Variants in HSDL1 observed in about 807,000 individuals in gnomAD.
The protein encoded by HSDL1 is hydroxysteroid dehydrogenase like 1.
Under a neutral mutation model 31.5 loss-of-function variants are expected in HSDL1, and 29 were observed. The observed-to-expected ratio is 0.92, with a 90% CI of 0.69 to 1.26. The LOEUF (loss-of-function observed/expected upper bound fraction) is 1.26, where lower values mean the gene tolerates loss of function less well. HSDL1 is among the 50% of genes most tolerant of loss of function. The probability of loss-of-function intolerance (pLI) is 0.00; values close to 1 mark genes in which losing one functional copy is unlikely to be tolerated. For synonymous variants in HSDL1, 222 were observed against 155.2 expected (o/e 1.43, Z -3.20); for missense variants, 503 against 416.6 (o/e 1.21, Z -1.81).
rs751067826 is a variant in HSDL1 at position 84,129,693 on chromosome 16, T to C, written c.749A>G (p.Tyr250Cys). The change falls in exon 5 of 6, where the codon TAT becomes TGT. Residue 250 changes from tyrosine to cysteine, a missense_variant. Physicochemically the swap from Tyr to Cys is radical, Grantham distance 194. Transcript: ENST00000219439. ...GIFVQSLIPF[Y>C]VATSMTAPSN... ...GGGTGCTGTCATGCTGGTGGCTACA[T>C]AGAAAGGGATTAGACTCTGTACAAA... The C allele has an allele frequency of 2.0e-5, 32 of 1,614,056 alleles. No individual in the cohort carries two copies. The African/African-American group carries it at 2.4e-4, about 12-fold the overall frequency.
At chr16:84,135,973 G>C (rs183256683) in intron 1 of HSDL1, among the ~76,000 whole-genome samples, 283 of 152,362 alleles carry the variant, frequency 1.9e-3, no homozygotes, top group African/African-American at 6.3e-3. Flanking sequence ...TCGGGGAAGA[G>C]AGCAGCCACA....
chr16:84,126,064 C>T (rs962122507), intron 5 of HSDL1, among the ~76,000 whole-genome samples: 1 of 148,720 alleles, frequency 6.7e-6, no homozygotes, highest in Non-Finnish European at 1.5e-5. Context: ...GATCGCGGCA[C>T]TGCACTCCAG....
chr16:84,128,012 C>G (rs1412833729), intron 5 of HSDL1, among the ~76,000 whole-genome samples: 2 of 150,410 alleles, frequency 1.3e-5, no homozygotes, highest in East Asian at 4.0e-4. Context: ...AGCCACCACG[C>G]CCTGCCAGCT....
At chr16:84,136,147 G>T (rs1016318661) in intron 1 of HSDL1, among the ~76,000 whole-genome samples, 3 of 152,214 alleles carry the variant, frequency 2.0e-5, no homozygotes, top group Admixed American at 2.0e-4. Context: ...TCCTGGCAGG[G>T]ATTCTGGCTC....
chr16:84,129,672 G>C lies in HSDL1; in HGVS notation c.770C>G (p.Ala257Gly). ...GCACCTGTGCAGAAAGTTGCTGGGTGCTGTCATGCTGGTGGCTACATAGAA... is the reference window on the plus strand; with the variant it reads ...GCACCTGTGCAGAAAGTTGCTGGGTCCTGTCATGCTGGTGGCTACATAGAA... ...IPFYVATSMTAPSNFLHRCSW... is the reference protein window; with the variant it reads ...IPFYVATSMTGPSNFLHRCSW... The change falls in exon 5 of 6, where the codon GCA (alanine) becomes GGA (glycine). Residue 257 changes from alanine (A) to glycine (G), a missense_variant. Ala to Gly is a moderately conservative substitution (Grantham distance 60). Transcript: ENST00000219439. 6.2e-7 allele frequency: 1 copy of C among 1,614,176 alleles called. No individual in the cohort carries two copies. Among genetic ancestry groups the C allele is most frequent in the South Asian group, 1.1e-5 (1 of 91,082 alleles).
In HSDL1 at chr16:84,130,181, G is replaced by T; in HGVS notation, c.471C>A (p.Pro157=). The change falls in exon 4 of 6, where the codon CCC becomes CCA. Residue 157 remains proline (P), a synonymous_variant. Coordinates refer to ENST00000219439, the MANE Select transcript of HSDL1 (RefSeq NM_031463.5). ...ACAGCTGAGTGAAATACTGCGGGTAGGGATAAAACACACCCACGTTATTTA... is the reference window on the plus strand; with the variant it reads ...ACAGCTGAGTGAAATACTGCGGGTATGGATAAAACACACCCACGTTATTTA... ...ILVNNVGVFY[P]YPQYFTQLSE... is the part of the protein sequence containing the mutation. 1 of 1,614,204 alleles carries T rather than the reference G, an allele frequency of 6.2e-7. No individual in the cohort carries two copies. The highest frequency in any genetic ancestry group is 8.5e-7 in the Non-Finnish European group (1 of 1,180,032).
intron 1 of HSDL1, among the ~76,000 whole-genome samples, chr16:84,137,777 C>G (rs1211958022): frequency 1.3e-5 from 2 of 152,220 alleles, no homozygotes; most frequent in East Asian, 1.9e-4. Context: ...CCAGAGCCAC[C>G]AAATTTCAAA....
intron 1 of HSDL1, 59 bp downstream of exon 1, chr16:84,145,018 CGAG>C (rs2151196110): frequency 6.6e-6 from 1 of 151,220 alleles, no homozygotes; most frequent in Non-Finnish European, 1.5e-5. Context: ...CTGAGGGGAC[CGAG>C]GAGGGGTCTG....
chr16:84,143,496 G>A (rs2086790736), intron 1 of HSDL1, among the ~76,000 whole-genome samples: 1 of 152,154 alleles, frequency 6.6e-6, no homozygotes, highest in South Asian at 2.1e-4. Context: ...TTTTGTAGGT[G>A]ATTAAATGTT....
intron 1 of HSDL1, among the ~76,000 whole-genome samples, chr16:84,142,830 A>T (rs1256370732): frequency 1.3e-5 from 2 of 152,182 alleles, no homozygotes; most frequent in African/African-American, 4.8e-5. Context: ...TCAAAGCTCA[A>T]ATTTCACTCT....
At chr16:84,132,803 G>A (rs995989609) in intron 2 of HSDL1, among the ~76,000 whole-genome samples, 2 of 151,956 alleles carry the variant, frequency 1.3e-5, no homozygotes, top group African/African-American at 2.4e-5. Context: ...TGCATCCTGC[G>A]AAAGACAAAA....
chr16:84,144,539 C>G (rs2086818107), intron 1 of HSDL1: 1 of 152,354 alleles, frequency 6.6e-6, no homozygotes, highest in Non-Finnish European at 1.5e-5. Context: ...CTCGGAAATC[C>G]TGGCTGAACC....
At chr16:84,135,301 T>C (rs1257892959) in intron 2 of HSDL1, among the ~76,000 whole-genome samples, 1 of 151,632 alleles carries the variant, frequency 6.6e-6, no homozygotes, top group African/African-American at 2.4e-5. Flanking sequence ...CAATGGGTTG[T>C]AGCCAAAGCA....
chr16:84,125,739 G>T (rs1382499936), intron 5 of HSDL1, among the ~76,000 whole-genome samples: 1 of 152,200 alleles, frequency 6.6e-6, no homozygotes. Context: ...TAATGAGGCT[G>T]GACTGTCCTG....
intron 2 of HSDL1, among the ~76,000 whole-genome samples, chr16:84,134,150 T>C (rs2086691719): frequency 6.6e-6 from 1 of 152,090 alleles, no homozygotes; most frequent in Non-Finnish European, 1.5e-5. Context: ...CATACCTGTT[T>C]CCAGATCTGC....
intron 1 of HSDL1, among the ~76,000 whole-genome samples, chr16:84,139,691 C>T (rs1027461291): frequency 1.3e-5 from 2 of 152,148 alleles, no homozygotes; most frequent in African/African-American, 2.4e-5. Flanking sequence ...GTTCAGCTTT[C>T]AGGACAGCGA....
Position 84,134,483 on chromosome 16 carries a change from T to C in HSDL1, c.-7+1061A>G, listed in dbSNP as rs115526104. ...ACTAAAAACACAAAAATTAGCCGGG[T>C]ATGGTGGTGACTGCCCAGCTTGGGT... On this transcript the variant is annotated intron_variant, in intron 2 of 5. Coordinates refer to ENST00000219439, the MANE Select transcript of HSDL1 (RefSeq NM_031463.5). Among the ~76,000 whole-genome samples the C allele has an allele frequency of 5.0e-3, 752 of 151,828 alleles. 10 individuals are homozygous for C. The highest frequency in any genetic ancestry group is 0.017 in the African/African-American group (711 of 41,396).
intron 5 of HSDL1, among the ~76,000 whole-genome samples, chr16:84,128,184 G>A (rs1386396347): frequency 1.3e-5 from 2 of 151,716 alleles, no homozygotes; most frequent in African/African-American, 2.4e-5. Flanking sequence ...AGCTACTCCG[G>A]AGGCTGAGGC....
At chr16:84,125,106 C>CCAAT (rs1327780226) in intron 5 of HSDL1, 1 of 175,280 alleles carries the variant, frequency 5.7e-6, no homozygotes, top group African/African-American at 2.6e-5. Flanking sequence ...CAAATACCCA[C>CCAAT]CAATCACAAC....
Sources: gnomAD v4.1 joint callset for allele counts (sites outside exome capture counted in the v4.1 genomes callset) on GRCh38, gnomAD v4.1.1 for gene constraint, MANE v1.5 for transcripts, NCBI Gene and HGNC (gene_info 2026-07-23, HGNC 2026-07-21) for gene names.